The following PLA2G4F variants were observed in gnomAD, a reference collection of about 807,000 sequenced individuals.
PLA2G4F encodes the protein phospholipase A2 group IVF.
A neutral mutation model predicts 103.1 loss-of-function variants in PLA2G4F; 105 were observed. That is an observed-to-expected ratio of 1.02 (90% confidence interval 0.87 to 1.20). The LOEUF is 1.20. PLA2G4F is among the 50% of genes most tolerant of loss of function. PLA2G4F has a pLI of 0.00. For synonymous variants in PLA2G4F, 468 were observed against 441.1 expected (o/e 1.06, Z -0.76); for missense variants, 1,155 against 1,075.9 (o/e 1.07, Z -1.03).
At chr15:42,156,398 T>A in intron 1 of PLA2G4F, 41 bp downstream of exon 1, 1 of 1,511,216 alleles carries the variant, frequency 6.6e-7, no homozygotes, top group South Asian at 1.2e-5. Flanking sequence ...CTCCCAGGAC[T>A]CCCCCAGTCC....
intron 5 of PLA2G4F, 93 bp downstream of exon 5, chr15:42,153,527 C>A: frequency 6.4e-7 from 1 of 1,551,464 alleles, no homozygotes; most frequent in Non-Finnish European, 8.9e-7. Context: ...GCCAGGCCTC[C>A]AAGGCCAGTG....
In PLA2G4F at chr15:42,154,112, T is replaced by C; in HGVS notation, c.430A>G (p.Thr144Ala). 6.2e-7 allele frequency: 1 copy of C among 1,614,120 alleles called. No homozygotes were observed. Among genetic ancestry groups the C allele is most frequent in the Non-Finnish European group, 8.5e-7 (1 of 1,180,016 alleles). Reference protein sequence around the residue: ...SLKCGQPHKHTFPLNHQDSQE... With the variant: ...SLKCGQPHKHAFPLNHQDSQE... ...CTCACCTGGTGGTTGAGTGGGAAGG[T>C]GTGTTTGTGAGGTTGGCCACACTTG... The change falls in exon 4 of 20, where the codon ACC becomes GCC. Residue 144 changes from threonine (T) to alanine (A), a missense_variant. Physicochemically the swap from Thr to Ala is moderately conservative, Grantham distance 58. This residue lies in a region of PLA2G4F where 370 missense variants were observed against 364.9 expected (regional missense o/e 1.01). Coordinates refer to ENST00000397272, the MANE Select transcript of PLA2G4F (RefSeq NM_213600.4).
chr15:42,155,393 C>T, intron 2 of PLA2G4F, 124 bp downstream of exon 2: 2 of 964,716 alleles, frequency 2.1e-6, no homozygotes, highest in Non-Finnish European at 1.6e-6. Flanking sequence ...CACACATGCA[C>T]TCTCACTTGT....
chr15:42,144,338 G>T, intron 17 of PLA2G4F, 112 bp downstream of exon 17: 1 of 1,461,382 alleles, frequency 6.8e-7, no homozygotes, highest in Non-Finnish European at 9.4e-7. Context: ...CAGCCCATAG[G>T]CAGCAGGAGA....
Position 42,144,496 on chromosome 15 carries a change from G to C in PLA2G4F, c.1929C>G (p.Cys643Trp), listed in dbSNP as rs748711942. Residue 643 changes from cysteine (C) to tryptophan (W), a missense_variant, in exon 17 of 20, where the codon TGC (cysteine) becomes TGG (tryptophan). By Grantham distance (215) the Cys-to-Trp change is radical. This residue lies in a region of PLA2G4F where 782 missense variants were observed against 692.9 expected (regional missense o/e 1.13). Transcript: ENST00000397272. ...TGCCAGCCACATAGTCCTTGTGCAA[G>C]CAGAGACCCCGGGTGAAGTTAAAGC... is the stretch of plus-strand genomic sequence containing the variant. Reference protein sequence around the residue: ...AQSFNFTRGLCLHKDYVAGRE... With the variant: ...AQSFNFTRGLWLHKDYVAGRE... The C allele has an allele frequency of 1.2e-6, 2 of 1,612,362 alleles. No individual in the cohort carries two copies. Among genetic ancestry groups the C allele is most frequent in the Non-Finnish European group, 1.7e-6 (2 of 1,180,016 alleles).
chr15:42,143,752 C>T (rs1029576502), intron 18 of PLA2G4F, among the ~76,000 whole-genome samples: 5 of 152,182 alleles, frequency 3.3e-5, no homozygotes, highest in Non-Finnish European at 7.3e-5. Flanking sequence ...TTCCCACGCC[C>T]ACCATAATCT....
Position 42,141,833 on chromosome 15 carries a change from A to T in PLA2G4F, c.*151T>A. The T allele has an allele frequency of 1.3e-6, 1 of 769,118 alleles. No homozygotes were observed. The highest frequency in any genetic ancestry group is 2.1e-6 in the Non-Finnish European group (1 of 482,114). 47.6% of individuals were successfully genotyped at this position (769,118 alleles called of 1,614,324 possible). Reference sequence around the variant, plus strand: ...CCCCAGTCCAAGCTGCAATTCTGCAAGAGCTTTCCGGGGCCTGGGGCACCT... The same window carrying T: ...CCCCAGTCCAAGCTGCAATTCTGCATGAGCTTTCCGGGGCCTGGGGCACCT... On this transcript the variant is annotated 3_prime_UTR_variant, in exon 20 of 20. Transcript: ENST00000397272.
Position 42,154,135 on chromosome 15 carries a change from T to C in PLA2G4F, c.407A>G (p.Lys136Arg). 6.2e-7 allele frequency: 1 copy of C among 1,614,196 alleles called. No homozygotes were observed. The highest frequency in any genetic ancestry group is 8.5e-7 in the Non-Finnish European group (1 of 1,180,046). Residue 136 changes from lysine (K) to arginine (R), a missense_variant, in exon 4 of 20, where the codon AAG (lysine) becomes AGG (arginine). Physicochemically the swap from Lys to Arg is conservative, Grantham distance 26. Around this residue, in one of 3 missense-constraint regions of PLA2G4F, gnomAD observed 370 missense variants for 364.9 expected, o/e 1.01. Transcript: ENST00000397272. ...SLLLFDLRSL[K>R]CGQPHKHTFP... ...GGTGTGTTTGTGAGGTTGGCCACACTTGAGGCTTCTCAGGTCAAACAGGAG... is the reference window on the plus strand; with the variant it reads ...GGTGTGTTTGTGAGGTTGGCCACACCTGAGGCTTCTCAGGTCAAACAGGAG...
Position 42,144,627 on chromosome 15 carries a change from G to A in PLA2G4F, c.1798C>T (p.Gln600Ter). Reference sequence around the variant, plus strand: ...CGCAGCCTCGAGGGGTTGTGCAGCTGAGGCTTCTGGCAGTCGTCTAGACAG... The same window carrying A: ...CGCAGCCTCGAGGGGTTGTGCAGCTAAGGCTTCTGGCAGTCGTCTAGACAG... ...VNITDDCQKP[Q>*]LHNPSRLRTR... The change falls in exon 17 of 20, where the codon CAG becomes TAG. Residue 600 changes from glutamine (Q) to a stop codon, truncating the protein, a stop_gained. Coordinates refer to ENST00000397272, the MANE Select transcript of PLA2G4F (RefSeq NM_213600.4). LOFTEE classifies it high-confidence loss of function. 3.1e-6 allele frequency: 5 copies of A among 1,600,326 alleles called. No individual in the cohort carries two copies. The highest frequency in any genetic ancestry group is 1.7e-4 in the Middle Eastern group (1 of 5,900).
chr15:42,141,429 G>A lies in PLA2G4F; in HGVS notation c.*555C>T, dbSNP rs2048825906. 6.6e-6 allele frequency: 3 copies of A among 451,710 alleles called. No homozygotes were observed. Among genetic ancestry groups the A allele is most frequent in the South Asian group, 1.6e-5 (1 of 63,960 alleles). The allele number at this position is 451,710 out of a possible 1,614,324, so 28.0% of individuals were successfully genotyped here. ...GAGGAGACCAGAAGGCAGAAGGAGG[G>A]TTAGGATGATGGAGTCAGCAACATA... On this transcript the variant is annotated 3_prime_UTR_variant, in exon 20 of 20. Coordinates refer to ENST00000397272, the MANE Select transcript of PLA2G4F (RefSeq NM_213600.4).
intron 7 of PLA2G4F, chr15:42,151,734 A>G (rs2048964421): frequency 1.2e-6 from 1 of 863,974 alleles, no homozygotes; most frequent in South Asian, 5.3e-5. Flanking sequence ...GAGACGTGCT[A>G]TTCATAAGAA....
In PLA2G4F at chr15:42,141,621, T is replaced by G; in HGVS notation, c.*363A>C. The G allele has an allele frequency of 2.1e-6, 1 of 478,158 alleles. No homozygotes were observed. Among genetic ancestry groups the G allele is most frequent in the Non-Finnish European group, 4.1e-6 (1 of 242,016 alleles). 29.6% of individuals were successfully genotyped at this position (478,158 alleles called of 1,614,324 possible). A position where few individuals can be genotyped will look rare whatever the true frequency, so the allele number is the denominator to read the frequency against. ...GGCTTCTCAGTGCCCTCAGCCCCTG[T>G]TCTGTGTGGGTCTGAGGACTTGGGC... On this transcript the variant is annotated 3_prime_UTR_variant, in exon 20 of 20. Coordinates refer to ENST00000397272, the MANE Select transcript of PLA2G4F (RefSeq NM_213600.4).
At chr15:42,145,308 G>A (rs1443471815) in intron 16 of PLA2G4F, among the ~76,000 whole-genome samples, 2 of 152,128 alleles carry the variant, frequency 1.3e-5, no homozygotes, top group Non-Finnish European at 2.9e-5. Flanking sequence ...CCAGGCTGAA[G>A]AGGGGCAGAC....
At chr15:42,154,504 T>G (rs932043038) in intron 2 of PLA2G4F, 46 bp from the exon 3 acceptor site, 14 of 1,505,930 alleles carry the variant, frequency 9.3e-6, no homozygotes, top group Non-Finnish European at 1.2e-5. Context: ...CTCTCATTGC[T>G]GAAAAGGTTT....
chr15:42,151,739 TAAG>T lies in PLA2G4F; in HGVS notation c.601+946_601+948del, dbSNP rs2048964527. The stretch of plus-strand genomic sequence containing the variant: ...GACTGAGATGGAGACGTGCTATTCA[TAAG>T]AAGAAACCATATAATCCGTGGTTGA... On this transcript the variant is annotated intron_variant, in intron 7 of 19. Coordinates refer to ENST00000397272, the MANE Select transcript of PLA2G4F (RefSeq NM_213600.4). The T allele has an allele frequency of 3.5e-6, 3 of 858,092 alleles. No homozygotes were observed. In the Admixed American group the frequency reaches 1.9e-4, roughly 53 times the overall value. 53.2% of individuals were successfully genotyped at this position (858,092 alleles called of 1,614,324 possible).
chr15:42,144,754 CCT>C (rs1470635554), intron 16 of PLA2G4F, 110 bp from the exon 17 acceptor site: 1 of 1,113,658 alleles, frequency 9.0e-7, no homozygotes, highest in East Asian at 2.7e-5. Flanking sequence ...TCCCCACATC[CCT>C]CCTCCTCCCT....
chr15:42,143,726 C>G (rs1238620313), intron 18 of PLA2G4F, among the ~76,000 whole-genome samples: 2 of 152,090 alleles, frequency 1.3e-5, no homozygotes, highest in Admixed American at 1.3e-4. Context: ...TCCTGGGGAC[C>G]CTCTTTGGCC....
Position 42,149,791 on chromosome 15 carries a change from A to C in PLA2G4F, c.981T>G (p.Phe327Leu). ...GFDLSDGEQE[F>L]LDRRKQVVSK... is the part of the protein sequence containing the mutation. ...ACACGACCTGCTTCCTCCTGTCCAG[A>C]AACTCCTGCTCCCCGTCAGAGAGGT... The change falls in exon 11 of 20, where the codon TTT (phenylalanine) becomes TTG (leucine). Residue 327 changes from phenylalanine (F) to leucine (L), a missense_variant. Transcript: ENST00000397272. 6.2e-7 allele frequency: 1 copy of C among 1,614,154 alleles called. No homozygotes were observed. Among genetic ancestry groups the C allele is most frequent in the Non-Finnish European group, 8.5e-7 (1 of 1,180,008 alleles).
chr15:42,148,181 CAA>C lies in PLA2G4F; in HGVS notation c.1060-421_1060-420del, dbSNP rs59009245. Among the ~76,000 whole-genome samples, 83 of 85,714 alleles carry C rather than the reference CAA, an allele frequency of 9.7e-4. No individual in the cohort carries two copies. The South Asian group carries it at 0.02, about 21-fold the overall frequency. The allele number at this position is 85,714 out of a possible 152,430, so 56.2% of individuals were successfully genotyped here. On this transcript the variant is annotated intron_variant, in intron 11 of 19. Coordinates refer to ENST00000397272, the MANE Select transcript of PLA2G4F (RefSeq NM_213600.4). ...TGGGCGACAGAGCGAGACTCCGTCT[CAA>C]AAAAAAAAAAAAAAAAGAGAGAACC...
Sources: gnomAD v4.1 joint callset for allele counts (sites outside exome capture counted in the v4.1 genomes callset) on GRCh38, gnomAD v4.1.1 for gene constraint, gnomAD v4.1.1 regional missense constraint, MANE v1.5 for transcripts, NCBI Gene and HGNC (gene_info 2026-07-23, HGNC 2026-07-21) for gene names.